Variants in PKD1 observed in about 807,000 individuals in gnomAD.
The protein encoded by PKD1 is polycystin 1, transient receptor potential channel interacting, also known as polycystin-1.
PKD1 carries 81 observed loss-of-function variants against 361.7 expected under a neutral mutation model. The observed-to-expected ratio is 0.22, with a 90% CI of 0.19 to 0.27. The LOEUF (loss-of-function observed/expected upper bound fraction) is 0.27. Ranked by LOEUF, PKD1 falls within the 10% of genes least tolerant of loss-of-function variation. The pLI is 1.00. For missense variants in PKD1, 6,399 were observed against 6,118.3 expected, an observed-to-expected ratio of 1.05 and a Z score of -1.53; for synonymous variants, 3,615 against 2,818.3, an observed-to-expected ratio of 1.28 and a Z score of -8.95.
At position 2,089,290 on chromosome 16, in the gene PKD1, GACAC is replaced by G. The variant is rs367951136; in HGVS notation, c.*433_*436del. The G allele has an allele frequency of 2.2e-5, 5 of 222,690 alleles. No individual in the cohort carries two copies. Among genetic ancestry groups the G allele is most frequent in the Non-Finnish European group, 4.4e-5 (5 of 112,942 alleles). The allele number at this position is 222,690 out of a possible 1,614,324, so 13.8% of individuals were successfully genotyped here. A position where few individuals can be genotyped will look rare whatever the true frequency, so the allele number is the denominator to read the frequency against. The stretch of plus-strand genomic sequence containing the variant: ...AACACCATATAAATTACTGACACGA[GACAC>G]ACAGTGAGACGGTGCAGGGAGTACG... On this transcript the variant is annotated 3_prime_UTR_variant, in exon 46 of 46. Coordinates refer to ENST00000262304, the MANE Select transcript of PKD1 (RefSeq NM_001009944.3).
Position 2,114,603 on chromosome 16 carries a change from G to A in PKD1, c.2420C>T (p.Ser807Phe), listed in dbSNP as rs1222764731. 6.3e-6 allele frequency: 10 copies of A among 1,587,806 alleles called. No homozygotes were observed. The highest frequency in any genetic ancestry group is 8.5e-6 in the Non-Finnish European group (10 of 1,175,934). ...AAAGCTGCAGGAGAGGTTGTGCCTG[G>A]ACACGCCATTGCCCACCTCTGCCCG... is the stretch of plus-strand genomic sequence containing the variant. ...EVRAEVGNGV[S>F]RHNLSCSFDV... Residue 807 changes from serine to phenylalanine, a missense_variant, in exon 11 of 46, where the codon TCC becomes TTC. Coordinates refer to ENST00000262304, the MANE Select transcript of PKD1 (RefSeq NM_001009944.3).
Position 2,104,489 on chromosome 16 carries a change from C to A in PKD1, c.8161+9G>T, listed in dbSNP as rs1293854585. On this transcript the variant is annotated intron_variant, in intron 22 of 45. Coordinates refer to ENST00000262304, the MANE Select transcript of PKD1 (RefSeq NM_001009944.3). ...GCGGGCGGGTGGCATGGGGCACGGG[C>A]CGCGGCACCTGTGATGTTGAGGATG... 4 of 1,511,848 alleles carry A rather than the reference C, an allele frequency of 2.6e-6. No homozygotes were observed. The allele number at this position is 1,511,848 out of a possible 1,614,324, so 93.7% of individuals were successfully genotyped here.
In PKD1 at chr16:2,097,394, G is replaced by A. The variant is rs899926250; in HGVS notation, c.10330C>T (p.His3444Tyr). 2.5e-6 allele frequency: 4 copies of A among 1,610,618 alleles called. No homozygotes were observed. Among genetic ancestry groups the A allele is most frequent in the Non-Finnish European group, 3.4e-6 (4 of 1,179,808 alleles). ...CCGTCCTCCTCTGGGCCCAGCCCAT[G>A]GCCCGCCTGGCCCCGTGCCAGCTGC... ...LRQLARGQAG[H>Y]GLGPEEDGFS... is the part of the protein sequence containing the mutation. Residue 3444 changes from histidine to tyrosine, a missense_variant, in exon 33 of 46, where the codon CAT becomes TAT. Transcript: ENST00000262304.
In PKD1 at chr16:2,102,802, C is replaced by T. The variant is rs369347070; in HGVS notation, c.8948+12G>A. On this transcript the variant is annotated intron_variant, in intron 24 of 45. Transcript: ENST00000262304. The stretch of plus-strand genomic sequence containing the variant: ...CCTGCCCTGCCCTGCCAGGCTGGCC[C>T]GCAGAGCTCACCCCGGGGAAATGAA... 268 of 1,609,824 alleles carry T rather than the reference C, an allele frequency of 1.7e-4. No individual in the cohort carries two copies. The highest frequency in any genetic ancestry group is 1.1e-3 in the Middle Eastern group (5 of 4,452).
rs1567193495 is a variant in PKD1, at chr16:2,108,895, G to A, written c.6272C>T (p.Ala2091Val). Residue 2091 changes from alanine (A) to valine (V), a missense_variant, in exon 15 of 46, where the codon GCC (alanine) becomes GTC (valine). By Grantham distance (64) the Ala-to-Val change is moderately conservative. Coordinates refer to ENST00000262304, the MANE Select transcript of PKD1 (RefSeq NM_001009944.3). ...CCCATCCCCAAAGTCCCAGTGGTAG[G>A]CCACACGCCGGGGGCTGGGGCTGGT... ...AATSPSPRRV[A>V]YHWDFGDGSP... 2 of 1,580,592 alleles carry A rather than the reference G, an allele frequency of 1.3e-6. No homozygotes were observed. The highest frequency in any genetic ancestry group is 2.3e-5 in the East Asian group (1 of 42,826).
At position 2,111,689 on chromosome 16, in the gene PKD1, T is replaced by C. The variant is rs2092510228; in HGVS notation, c.3478A>G (p.Thr1160Ala). 2.5e-6 allele frequency: 4 copies of C among 1,581,520 alleles called. No individual in the cohort carries two copies. The East Asian group carries it at 6.9e-5, about 27-fold the overall frequency. ...PLPSPGGVLYTWDFGDGSPVL... is the reference protein window; with the variant it reads ...PLPSPGGVLYAWDFGDGSPVL... ...GGGGAGCCGTCCCCGAAGTCCCACG[T>C]GTAAAGAACACCCCCAGGCGAGGGC... The change falls in exon 15 of 46, where the codon ACG becomes GCG. Residue 1160 changes from threonine to alanine, a missense_variant. Physicochemically the swap from Thr to Ala is moderately conservative, Grantham distance 58. Coordinates refer to ENST00000262304, the MANE Select transcript of PKD1 (RefSeq NM_001009944.3).
At position 2,113,225 on chromosome 16, in the gene PKD1, G is replaced by A. The variant is rs1223669515; in HGVS notation, c.2921C>T (p.Ser974Phe). The A allele has an allele frequency of 9.8e-6, 14 of 1,425,902 alleles. No individual in the cohort carries two copies. The highest frequency in any genetic ancestry group is 6.7e-5 in the Admixed American group (4 of 59,628). The allele number at this position is 1,425,902 out of a possible 1,614,324, so 88.3% of individuals were successfully genotyped here. A position where few individuals can be genotyped will look rare whatever the true frequency, so the allele number is the denominator to read the frequency against. Residue 974 changes from serine (S) to phenylalanine (F), a missense_variant, in exon 12 of 46, where the codon TCC becomes TTC. Transcript: ENST00000262304. ...GAAGACCACGTTCTGGAAGGTCAGGGACTGCTTGTCGTTGATGGTCCACCG... is the reference window on the plus strand; with the variant it reads ...GAAGACCACGTTCTGGAAGGTCAGGAACTGCTTGTCGTTGATGGTCCACCG... ...VFRWTINDKQ[S>F]LTFQNVVFNV...
rs748831666 is a variant in PKD1, at chr16:2,111,041, C to T, written c.4126G>A (p.Val1376Met). 5.6e-6 allele frequency: 9 copies of T among 1,610,694 alleles called. No individual in the cohort carries two copies. The highest frequency in any genetic ancestry group is 1.3e-5 in the African/African-American group (1 of 74,988). Reference sequence around the variant, plus strand: ...GTGACGTTGCCCACCTCTGGCTCCACGCAGATGCTGGTGAAGTAATGCGCC... The same window carrying T: ...GTGACGTTGCCCACCTCTGGCTCCATGCAGATGCTGGTGAAGTAATGCGCC... ...NRAHYFTSIC[V>M]EPEVGNVTLQ... The change falls in exon 15 of 46, where the codon GTG becomes ATG. Residue 1376 changes from valine to methionine, a missense_variant. Coordinates refer to ENST00000262304, the MANE Select transcript of PKD1 (RefSeq NM_001009944.3).
chr16:2,127,212 G>A (rs978202163), intron 1 of PKD1, among the ~76,000 whole-genome samples: 3 of 152,236 alleles, frequency 2.0e-5, no homozygotes, highest in East Asian at 1.9e-4. Context: ...GGCACTGAGC[G>A]GAACTCAGGC....
In PKD1 at chr16:2,091,609, G is replaced by A. The variant is rs946712244; in HGVS notation, c.11538-12C>T. ...ACACAGCGCGGCTCCTGCGCAGAGGGTGCGGGTCAGTAGGAGCGGGTGGCA... is the reference window on the plus strand; with the variant it reads ...ACACAGCGCGGCTCCTGCGCAGAGGATGCGGGTCAGTAGGAGCGGGTGGCA... On this transcript the variant is annotated splice_polypyrimidine_tract_variant and intron_variant, in intron 41 of 45. Coordinates refer to ENST00000262304, the MANE Select transcript of PKD1 (RefSeq NM_001009944.3). 4.0e-5 allele frequency: 62 copies of A among 1,561,652 alleles called. No homozygotes were observed. The highest frequency in any genetic ancestry group is 4.6e-5 in the Non-Finnish European group (53 of 1,162,024).
At position 2,098,174 on chromosome 16, in the gene PKD1, G is replaced by A. The variant is rs3874646; in HGVS notation, c.10051-190C>T. 2.2e-3 allele frequency: 1,344 copies of A among 603,084 alleles called. 20 individuals are homozygous for A. The highest frequency in any genetic ancestry group is 0.021 in the African/African-American group (1,140 of 54,160). The allele number at this position is 603,084 out of a possible 1,614,324, so 37.4% of individuals were successfully genotyped here. ...TCGCGACGTGTGCCACTGAACACTTGACAGCAGACTGGTGCAGCTAAGGAA... is the reference window on the plus strand; with the variant it reads ...TCGCGACGTGTGCCACTGAACACTTAACAGCAGACTGGTGCAGCTAAGGAA... On this transcript the variant is annotated intron_variant, in intron 30 of 45. Transcript: ENST00000262304.
chr16:2,089,895 G>T lies in PKD1; in HGVS notation c.12744C>A (p.Gly4248=). 1 of 1,611,342 alleles carries T rather than the reference G, an allele frequency of 6.2e-7. No individual in the cohort carries two copies. Among genetic ancestry groups the T allele is most frequent in the Non-Finnish European group, 8.5e-7 (1 of 1,179,494 alleles). ...QLEQQLHSLQ[G]RRSSRAPAGS... ...CGGCGGGCGCCCGGCTGCTCCTGCGGCCTTGCAGGCTGTGCAGCTGCTGCT... is the reference window on the plus strand; with the variant it reads ...CGGCGGGCGCCCGGCTGCTCCTGCGTCCTTGCAGGCTGTGCAGCTGCTGCT... Residue 4248 remains glycine, a synonymous_variant, in exon 46 of 46, where the codon GGC becomes GGA. Transcript: ENST00000262304.
chr16:2,123,354 C>T, intron 1 of PKD1: 1 of 383,308 alleles, frequency 2.6e-6, no homozygotes, highest in Non-Finnish European at 5.1e-6. Flanking sequence ...AAGCGTCTGC[C>T]CTGGGTAGGA....
At chr16:2,133,334 G>A (rs550468958) in intron 1 of PKD1, 1 of 148,820 alleles carries the variant, frequency 6.7e-6, no homozygotes, top group Admixed American at 6.7e-5. Context: ...TCCTCCACCT[G>A]GAACTGGACA....
rs1157566523 is a variant in PKD1 at position 2,110,749 on chromosome 16, A to G, written c.4418T>C (p.Val1473Ala). 4 of 1,610,480 alleles carry G rather than the reference A, an allele frequency of 2.5e-6. No individual in the cohort carries two copies. In the East Asian group the frequency reaches 8.9e-5, roughly 36 times the overall value. ...CAGCTCCAGCCCAAGGGAGCCATTG[A>G]CCTTGATGCTGGTGACCAGCACGGG... ...QEPVLVTSIK[V>A]NGSLGLELQQ... The change falls in exon 15 of 46, where the codon GTC becomes GCC. Residue 1473 changes from valine to alanine, a missense_variant. By Grantham distance (64) the Val-to-Ala change is moderately conservative (BLOSUM62 0). Transcript: ENST00000262304.
rs2091287601 is a variant in PKD1, at chr16:2,088,943, T to C, written c.*784A>G. The C allele has an allele frequency of 6.0e-5, 22 of 364,012 alleles. No homozygotes were observed. In the South Asian group the frequency reaches 6.1e-4, roughly 10 times the overall value. The allele number at this position is 364,012 out of a possible 1,614,324, so 22.5% of individuals were successfully genotyped here. A position where few individuals can be genotyped will look rare whatever the true frequency, so the allele number is the denominator to read the frequency against. On this transcript the variant is annotated 3_prime_UTR_variant, in exon 46 of 46. Transcript: ENST00000262304. Reference sequence around the variant, plus strand: ...GGGAGCCAGCCCCCAGGAGGAGTCTTTTCCTCTAACCACCCTGGGGTCCTC... The same window carrying C: ...GGGAGCCAGCCCCCAGGAGGAGTCTCTTCCTCTAACCACCCTGGGGTCCTC...
Position 2,092,139 on chromosome 16 carries a change from T to A in PKD1, c.11319A>T (p.Ala3773=). The change falls in exon 40 of 46, where the codon GCA becomes GCT. Residue 3773 remains alanine, a synonymous_variant. Transcript: ENST00000262304. The part of the protein sequence containing the change: ...PGPRVHTCSA[A]GGFSTSDYDV... ...CGTAATCGCTGGTGCTGAAGCCTCCTGCGGCCGAGCACGTGTGGACCCTGG... is the reference window on the plus strand; with the variant it reads ...CGTAATCGCTGGTGCTGAAGCCTCCAGCGGCCGAGCACGTGTGGACCCTGG... The A allele has an allele frequency of 1.2e-6, 2 of 1,612,660 alleles. No homozygotes were observed. Among genetic ancestry groups the A allele is most frequent in the Non-Finnish European group, 1.7e-6 (2 of 1,179,926 alleles).
intron 22 of PKD1, among the ~76,000 whole-genome samples, chr16:2,104,213 G>A (rs1314509752): frequency 1.3e-3 from 42 of 31,366 alleles, no homozygotes; most frequent in South Asian, 2.3e-3. Flanking sequence ...GGGAGGGGAA[G>A]GGGGATGAGG....
chr16:2,135,322 G>T, intron 1 of PKD1, 153 bp downstream of exon 1: 3 of 985,352 alleles, frequency 3.0e-6, no homozygotes, highest in Non-Finnish European at 3.6e-6. Flanking sequence ...GCGGCTCCAG[G>T]CGTTCCTTAT....
Sources: gnomAD v4.1 joint callset for allele counts (sites outside exome capture counted in the v4.1 genomes callset) on GRCh38, gnomAD v4.1.1 for gene constraint, MANE v1.5 for transcripts, NCBI Gene and HGNC (gene_info 2026-07-23, HGNC 2026-07-21) for gene names.